The following HCK variants were observed in gnomAD, a reference collection of about 807,000 sequenced individuals.
HCK encodes tyrosine-protein kinase HCK.
HCK carries 40 observed loss-of-function variants against 70.4 expected under a neutral mutation model. That is an observed-to-expected ratio of 0.57 (90% CI 0.44 to 0.74). HCK has a LOEUF of 0.74. Among genes scored for constraint, HCK ranks in the 30% least tolerant of loss-of-function variants. The probability of loss-of-function intolerance (pLI) is 0.00; values close to 1 mark genes in which losing one functional copy is unlikely to be tolerated. For synonymous variants in HCK, 245 were observed against 263.2 expected (o/e 0.93, Z 0.67); for missense variants, 568 against 697.2 (o/e 0.81, Z 2.09).
At chr20:32,068,939 C>T (rs1400029712) in intron 1 of HCK, among the ~76,000 whole-genome samples, 3 of 152,078 alleles carry the variant, frequency 2.0e-5, no homozygotes, top group Non-Finnish European at 2.9e-5. Flanking sequence ...GCGAGACTGT[C>T]TCTGAGAAAA....
intron 10 of HCK, among the ~76,000 whole-genome samples, chr20:32,092,286 C>T (rs2045875533): frequency 6.6e-6 from 1 of 152,130 alleles, no homozygotes; most frequent in Non-Finnish European, 1.5e-5. Context: ...CAGAATTTTC[C>T]TGGTGGTGTG....
At chr20:32,075,035 G>T (rs1274683687) in intron 5 of HCK, among the ~76,000 whole-genome samples, 2 of 152,220 alleles carry the variant, frequency 1.3e-5, no homozygotes, top group Non-Finnish European at 2.9e-5. Context: ...AAGGAAGAGA[G>T]CTGGTGAGAG....
chr20:32,084,184 G>A (rs1413217927), intron 7 of HCK, 141 bp downstream of exon 7: 11 of 1,087,052 alleles, frequency 1.0e-5, no homozygotes, highest in Non-Finnish European at 1.4e-5. Context: ...GCTTCTGAAG[G>A]CTTAGGACTG....
At chr20:32,093,332 A>G (rs967606507) in intron 10 of HCK, among the ~76,000 whole-genome samples, 1 of 152,148 alleles carries the variant, frequency 6.6e-6, no homozygotes, top group Admixed American at 6.5e-5. Flanking sequence ...GGCACCCACA[A>G]GACACTCAGT....
intron 1 of HCK, among the ~76,000 whole-genome samples, chr20:32,069,332 T>C (rs901341319): frequency 2.0e-5 from 3 of 152,162 alleles, no homozygotes; most frequent in South Asian, 2.1e-4. Context: ...AAGTGAAGCA[T>C]ACAAGGTGCT....
chr20:32,083,819 G>A, intron 6 of HCK, 75 bp from the exon 7 acceptor site: 1 of 1,546,444 alleles, frequency 6.5e-7, no homozygotes. Context: ...TAGCCTTACA[G>A]GGTGTCAGAG....
chr20:32,099,092 C>G lies in HCK; in HGVS notation c.1335C>G (p.Ile445Met). The G allele has an allele frequency of 6.2e-7, 1 of 1,614,180 alleles. No individual in the cohort carries two copies. The highest frequency in any genetic ancestry group is 1.7e-4 in the Middle Eastern group (1 of 6,060). Reference sequence around the variant, plus strand: ...AGTCAGACGTCTGGTCCTTTGGTATCCTGCTGATGGAGATCGTCACCTACG... The same window carrying G: ...AGTCAGACGTCTGGTCCTTTGGTATGCTGCTGATGGAGATCGTCACCTACG... Residue 445 changes from isoleucine (I) to methionine (M), a missense_variant, in exon 12 of 13, where the codon ATC (isoleucine) becomes ATG (methionine). Transcript: ENST00000375852.
chr20:32,069,879 G>A (rs571920065), intron 1 of HCK: 3 of 603,108 alleles, frequency 5.0e-6, no homozygotes, highest in Non-Finnish European at 7.3e-6. Flanking sequence ...GTATAACTGA[G>A]TTCTAACTGC....
At chr20:32,063,587 AT>A (rs1413882892) in intron 1 of HCK, among the ~76,000 whole-genome samples, 1 of 152,086 alleles carries the variant, frequency 6.6e-6, no homozygotes, top group Non-Finnish European at 1.5e-5. Context: ...CTTCAGTGCC[AT>A]CAGCTTAATG....
chr20:32,100,482 A>C (rs2046019191), intron 12 of HCK, among the ~76,000 whole-genome samples: 2 of 152,192 alleles, frequency 1.3e-5, no homozygotes, highest in African/African-American at 4.8e-5. Context: ...GAGAGAGAAT[A>C]AAGGATGATT....
chr20:32,094,671 A>C (rs1458104329), intron 11 of HCK, among the ~76,000 whole-genome samples: 1 of 142,232 alleles, frequency 7.0e-6, no homozygotes, highest in Admixed American at 7.4e-5. Flanking sequence ...TGGTGGACAG[A>C]GCAAGATCTT....
chr20:32,061,264 G>C (rs766143125), intron 1 of HCK, among the ~76,000 whole-genome samples: 15 of 152,242 alleles, frequency 9.9e-5, no homozygotes, highest in Non-Finnish European at 2.1e-4. Context: ...TTACAGGCGT[G>C]AGCCACTGCG....
intron 11 of HCK, among the ~76,000 whole-genome samples, chr20:32,094,233 T>C (rs962721219): frequency 1.3e-5 from 2 of 152,160 alleles, no homozygotes; most frequent in Non-Finnish European, 2.9e-5. Context: ...GAAGTACTGA[T>C]AGATTTTAGA....
chr20:32,073,278 A>G (rs372571266), intron 2 of HCK, 41 bp from the exon 3 acceptor site: 1 of 1,570,322 alleles, frequency 6.4e-7, no homozygotes, highest in South Asian at 1.1e-5. Context: ...GTCCCCACAC[A>G]TTGGTCAGAT....
In HCK at chr20:32,094,761, GAAGGAAA is replaced by G. The variant is rs1569009914; in HGVS notation, c.1246+746_1246+752del. Among the ~76,000 whole-genome samples, 8 of 117,254 alleles carry G rather than the reference GAAGGAAA, an allele frequency of 6.8e-5. No individual in the cohort carries two copies. In the East Asian group the frequency reaches 8.7e-4, roughly 13 times the overall value. 76.9% of individuals were successfully genotyped at this position (117,254 alleles called of 152,430 possible). ...AGAAAGAAAGAAAGAAAGAAAGAAA[GAAGGAAA>G]GAAAGAAAGAGAGAGAAAGAGAAAG... is the stretch of plus-strand genomic sequence containing the variant. On this transcript the variant is annotated intron_variant, in intron 11 of 12. Coordinates refer to ENST00000375852, the MANE Select transcript of HCK (RefSeq NM_002110.5).
At position 32,092,128 on chromosome 20, in the gene HCK, T is replaced by G. The variant is rs373716108; in HGVS notation, c.1093-1735T>G. On this transcript the variant is annotated intron_variant, in intron 10 of 12. Coordinates refer to ENST00000375852, the MANE Select transcript of HCK (RefSeq NM_002110.5). ...AAGCCGGCCGGTGGTGCTTTGATTG[T>G]TCTGTCTAGTCAGACGCCCTCACTT... Among the ~76,000 whole-genome samples, 8 of 152,278 alleles carry G rather than the reference T, an allele frequency of 5.3e-5. 1 individual carries two copies. The highest frequency in any genetic ancestry group is 1.9e-4 in the African/African-American group (8 of 41,542).
At chr20:32,077,011 G>T (rs1289919027) in intron 5 of HCK, among the ~76,000 whole-genome samples, 1 of 152,122 alleles carries the variant, frequency 6.6e-6, no homozygotes, top group Non-Finnish European at 1.5e-5. Flanking sequence ...CTTGATCTGG[G>T]AGGCAGAGGT....
At chr20:32,061,190 G>T (rs1440508998) in intron 1 of HCK, among the ~76,000 whole-genome samples, 1 of 152,260 alleles carries the variant, frequency 6.6e-6, no homozygotes, top group Non-Finnish European at 1.5e-5. Context: ...CACCATGTTG[G>T]CCAGGCTGGT....
rs529274774 is a variant in HCK at position 32,054,475 on chromosome 20, T to TAAAAA, written c.62+2034_62+2038dup. ...TGGACAACAAAAGCGAAACTCCACC[T>TAAAAA]AAAAAAAAAAAAAAAAAAAAAAAAA... On this transcript the variant is annotated intron_variant, in intron 1 of 12. Transcript: ENST00000375852. Among the ~76,000 whole-genome samples, 2 of 15,886 alleles carry TAAAAA rather than the reference T, an allele frequency of 1.3e-4. 1 individual carries two copies. The highest frequency in any genetic ancestry group is 2.5e-4 in the Non-Finnish European group (2 of 8,042). 10.4% of individuals were successfully genotyped at this position (15,886 alleles called of 152,430 possible).
Sources: gnomAD v4.1 joint callset for allele counts (sites outside exome capture counted in the v4.1 genomes callset) on GRCh38, gnomAD v4.1.1 for gene constraint, MANE v1.5 for transcripts, NCBI Gene and HGNC (gene_info 2026-07-23, HGNC 2026-07-21) for gene names.